ADGRA3: variants seen among roughly 807,000 people sequenced by gnomAD.
The protein encoded by ADGRA3 is G-protein coupled receptor 125.
ADGRA3 carries 56 observed loss-of-function variants against 119.8 expected under a neutral mutation model. The ratio of observed to expected loss-of-function variants is 0.47; its 90% CI spans 0.38 to 0.58. The LOEUF (loss-of-function observed/expected upper bound fraction) is 0.58. Ranked by LOEUF, ADGRA3 falls within the 20% of genes least tolerant of loss-of-function variation. The pLI, the probability that ADGRA3 is intolerant of heterozygous loss-of-function variation, is 0.00. For missense variants in ADGRA3, 1,516 were observed against 1,649.0 expected (o/e 0.92, Z 1.40); for synonymous variants, 607 against 623.8 (o/e 0.97, Z 0.40).
intron 1 of ADGRA3, among the ~76,000 whole-genome samples, chr4:22,510,736 T>C (rs938394917): frequency 6.6e-6 from 1 of 152,166 alleles, no homozygotes; most frequent in African/African-American, 2.4e-5. Flanking sequence ...TAGGCCATGC[T>C]CAAGTCCTAA....
intron 2 of ADGRA3, among the ~76,000 whole-genome samples, chr4:22,468,131 T>C (rs1306407102): frequency 1.3e-5 from 2 of 152,184 alleles, no homozygotes; most frequent in African/African-American, 4.8e-5. Context: ...GCTGAGCCTA[T>C]GGTATCCCAG....
At chr4:22,461,309 TTTTC>T (rs1247538483) in intron 3 of ADGRA3, among the ~76,000 whole-genome samples, 2 of 152,224 alleles carry the variant, frequency 1.3e-5, no homozygotes, top group African/African-American at 4.8e-5. Context: ...TACTCTTTGT[TTTTC>T]TTTCTTTTTG....
intron 4 of ADGRA3, among the ~76,000 whole-genome samples, chr4:22,451,970 C>T (rs759017771): frequency 6.6e-6 from 1 of 152,194 alleles, no homozygotes; most frequent in Non-Finnish European, 1.5e-5. Context: ...TCCTTCACAA[C>T]TGGCATATGG....
intron 6 of ADGRA3, 36 bp from the exon 7 acceptor site, chr4:22,442,899 A>G: frequency 1.4e-6 from 2 of 1,454,692 alleles, no homozygotes; most frequent in Non-Finnish European, 1.9e-6. Context: ...GTAAACAAAT[A>G]TAATTTCCAA....
chr4:22,397,772 C>T (rs142100998), intron 16 of ADGRA3, among the ~76,000 whole-genome samples: 151 of 152,240 alleles, frequency 9.9e-4, no homozygotes, highest in African/African-American at 3.3e-3. Context: ...CCTGCTGCCA[C>T]GAAAGACATG....
chr4:22,420,784 C>CAA, intron 12 of ADGRA3, 102 bp downstream of exon 12: 8 of 1,046,942 alleles, frequency 7.6e-6, no homozygotes, highest in Admixed American at 2.1e-5. Context: ...TATCTTCCTG[C>CAA]AAAAAAAAAA....
intron 1 of ADGRA3, among the ~76,000 whole-genome samples, chr4:22,497,114 G>C (rs1459071996): frequency 2.0e-5 from 3 of 152,192 alleles, no homozygotes; most frequent in Non-Finnish European, 4.4e-5. Flanking sequence ...GTGGGGAACA[G>C]AGGGAGACAA....
intron 10 of ADGRA3, among the ~76,000 whole-genome samples, chr4:22,428,008 A>C (rs1716011506): frequency 6.6e-6 from 1 of 152,234 alleles, no homozygotes; most frequent in African/African-American, 2.4e-5. Flanking sequence ...ATGTTGTAAG[A>C]GACAGGATAT....
chr4:22,388,451 C>T lies in ADGRA3; in HGVS notation c.3220G>A (p.Val1074Ile), dbSNP rs753989394. ...GTCCCATTAGAGTTGGGGGGCTGGA[C>T]GTTGACTTGCACTGAATACGAGCTC... ...GRSSYSVQVN[V>I]QPPNSNGTNG... Residue 1074 changes from valine to isoleucine, a missense_variant, in exon 19 of 19, where the codon GTC (valine) becomes ATC (isoleucine). Val to Ile is a conservative substitution (Grantham distance 29). This residue lies in a region of ADGRA3 where 1,088 missense variants were observed against 1,107.1 expected (regional missense o/e 0.98). Coordinates refer to ENST00000334304, the MANE Select transcript of ADGRA3 (RefSeq NM_145290.4). The T allele has an allele frequency of 1.9e-6, 3 of 1,614,022 alleles. No homozygotes were observed. The highest frequency in any genetic ancestry group is 2.5e-6 in the Non-Finnish European group (3 of 1,179,986).
intron 14 of ADGRA3, among the ~76,000 whole-genome samples, chr4:22,407,703 G>A (rs1289275048): frequency 2.0e-5 from 3 of 152,262 alleles, no homozygotes; most frequent in South Asian, 2.1e-4. Flanking sequence ...CATCAAATGT[G>A]TGTTAAAAAA....
intron 2 of ADGRA3, among the ~76,000 whole-genome samples, chr4:22,463,935 T>A (rs1290849428): frequency 6.6e-6 from 1 of 152,138 alleles, no homozygotes; most frequent in South Asian, 2.1e-4. Flanking sequence ...GCTCTGGAAA[T>A]GCAACCTGTG....
chr4:22,460,854 T>C (rs1717420265), intron 3 of ADGRA3, among the ~76,000 whole-genome samples: 1 of 152,166 alleles, frequency 6.6e-6, no homozygotes, highest in South Asian at 2.1e-4. Flanking sequence ...AGTCAGGGCA[T>C]GGTAAGTGGC....
chr4:22,418,238 G>T (rs1715506389), intron 12 of ADGRA3, among the ~76,000 whole-genome samples: 2 of 152,194 alleles, frequency 1.3e-5, no homozygotes, highest in African/African-American at 4.8e-5. Context: ...CAGGTATGAA[G>T]TCACTGGTGA....
At chr4:22,469,220 G>A (rs1717772036) in intron 2 of ADGRA3, among the ~76,000 whole-genome samples, 1 of 152,132 alleles carries the variant, frequency 6.6e-6, no homozygotes, top group Non-Finnish European at 1.5e-5. Context: ...AACCCACAGA[G>A]AGCCCCCTCC....
intron 16 of ADGRA3, among the ~76,000 whole-genome samples, chr4:22,395,545 C>T (rs1714315461): frequency 6.6e-6 from 1 of 152,146 alleles, no homozygotes; most frequent in African/African-American, 2.4e-5. Flanking sequence ...AGAAGTCACC[C>T]ACTAGAGATT....
intron 12 of ADGRA3, among the ~76,000 whole-genome samples, chr4:22,415,603 C>A (rs1715395447): frequency 6.6e-6 from 1 of 151,902 alleles, no homozygotes; most frequent in Non-Finnish European, 1.5e-5. Flanking sequence ...TTACATAATG[C>A]ACATTTATTA....
rs77737481 is a variant in ADGRA3, at chr4:22,451,729, T to A, written c.473+3137A>T. Among the ~76,000 whole-genome samples the A allele has an allele frequency of 1.8e-3, 270 of 152,214 alleles. 5 individuals are homozygous for A. In the East Asian group the frequency reaches 0.046, roughly 26 times the overall value. ...TCTCATCATCCCTTAGCCAAGGAAGTTTGAGGTCCCCATTTGAAGAGTTAC... is the reference window on the plus strand; with the variant it reads ...TCTCATCATCCCTTAGCCAAGGAAGATTGAGGTCCCCATTTGAAGAGTTAC... On this transcript the variant is annotated intron_variant, in intron 4 of 18. Transcript: ENST00000334304.
intron 1 of ADGRA3, among the ~76,000 whole-genome samples, chr4:22,475,455 G>C (rs1285972646): frequency 6.6e-6 from 1 of 152,114 alleles, no homozygotes; most frequent in Non-Finnish European, 1.5e-5. Context: ...CAATGAGGCC[G>C]GGGGCGGCGG....
chr4:22,458,734 C>G (rs1717333522), intron 3 of ADGRA3, among the ~76,000 whole-genome samples: 1 of 152,132 alleles, frequency 6.6e-6, no homozygotes, highest in South Asian at 2.1e-4. Context: ...TCCTATAATG[C>G]TTACCTTCCT....
Sources: gnomAD v4.1 joint callset for allele counts (sites outside exome capture counted in the v4.1 genomes callset) on GRCh38, gnomAD v4.1.1 for gene constraint, gnomAD v4.1.1 regional missense constraint, MANE v1.5 for transcripts, NCBI Gene and HGNC (gene_info 2026-07-23, HGNC 2026-07-21) for gene names.